The following NEMP2 variants were observed in gnomAD, a reference collection of about 807,000 sequenced individuals.
The protein encoded by NEMP2 is nuclear envelope integral membrane protein 2, also known as UPF0571 transmembrane protein.
Under a neutral mutation model 54.2 loss-of-function variants are expected in NEMP2, and 53 were observed. The ratio of observed to expected loss-of-function variants is 0.98; its 90% CI spans 0.78 to 1.23. The LOEUF (loss-of-function observed/expected upper bound fraction) is 1.23, where lower values mean the gene tolerates loss of function less well. Ranked by LOEUF, NEMP2 falls within the 50% of genes most tolerant of loss-of-function variation. NEMP2 has a pLI of 0.00. For missense variants in NEMP2, 455 were observed against 511.3 expected, an observed-to-expected ratio of 0.89 and a Z score of 1.06; for synonymous variants, 197 against 190.3, an observed-to-expected ratio of 1.04 and a Z score of -0.29.
chr2:190,461,018 A>G, the NEMP2 span, among the ~76,000 whole-genome samples: 1 of 152,208 alleles, frequency 6.6e-6, no homozygotes, highest in East Asian at 1.9e-4. The surrounding 1 kb of genome is among the most constrained non-coding windows in gnomAD (Gnocchi z 5.5). Flanking sequence ...GAAGAAAATG[A>G]TTATGGCAAC....
the NEMP2 span, among the ~76,000 whole-genome samples, chr2:190,606,746 C>T: frequency 2.6e-5 from 4 of 152,040 alleles, no homozygotes; most frequent in African/African-American, 7.2e-5. Flanking sequence ...CAACAAGAAA[C>T]TCCAAGTAAA....
rs1037017440 is a variant in NEMP2 at position 190,533,095 on chromosome 2, G to A, written c.97+1464C>T. 1.2e-4 allele frequency among the ~76,000 whole-genome samples: 19 copies of A among 152,186 alleles called. No homozygotes were observed. Among genetic ancestry groups the A allele is most frequent in the Non-Finnish European group, 2.4e-4 (16 of 68,026 alleles). ...AAAAACACCAGGTTCACTGAGGTGA[G>A]GAAAATACTGGAAACTCTTCAGTAA... On this transcript the variant is annotated intron_variant, in intron 1 of 8. Coordinates refer to ENST00000409150, the MANE Select transcript of NEMP2 (RefSeq NM_001142645.2). The surrounding 1 kb of genome is among the most constrained non-coding windows in gnomAD (Gnocchi z 4.3).
chr2:190,518,652 G>A, intron 4 of NEMP2, 84 bp downstream of exon 4: 2 of 1,116,136 alleles, frequency 1.8e-6, no homozygotes, highest in South Asian at 3.2e-5. Context: ...ATGCACAATA[G>A]TGTGAAAATA....
At chr2:190,586,662 A>T in the NEMP2 span, among the ~76,000 whole-genome samples, 1 of 152,298 alleles carries the variant, frequency 6.6e-6, no homozygotes, top group South Asian at 2.1e-4. This position sits in a 1 kb window ranked among gnomAD's most constrained non-coding sequence, Gnocchi z 4.5. Flanking sequence ...GAAACATTCA[A>T]TACCAACCCC....
the NEMP2 span, among the ~76,000 whole-genome samples, chr2:190,467,388 G>A: frequency 2.6e-5 from 4 of 152,166 alleles, no homozygotes; most frequent in Admixed American, 1.3e-4. This position sits in a 1 kb window ranked among gnomAD's most constrained non-coding sequence, Gnocchi z 5.5. Context: ...CGAGGTGGGC[G>A]GACTACCTGA....
the NEMP2 span, chr2:190,436,911 T>C: frequency 1.1e-4 from 180 of 1,614,090 alleles, 1 homozygote; most frequent in South Asian, 1.7e-3. The surrounding 1 kb of genome is among the most constrained non-coding windows in gnomAD (Gnocchi z 5.3). Context: ...TCTTGGTAGT[T>C]GTCATAATAG....
rs899690163 is a variant in NEMP2 at position 190,509,771 on chromosome 2, G to A, written c.1131-459C>T. On this transcript the variant is annotated intron_variant, in intron 8 of 8. Transcript: ENST00000409150. This position sits in a 1 kb window ranked among gnomAD's most constrained non-coding sequence, Gnocchi z 6.1. ...AAATGATTTTCCAGCTGGGTGCGGT[G>A]GCTCATGCCTGTAATCCCAGCACTT... 3.3e-5 allele frequency among the ~76,000 whole-genome samples: 5 copies of A among 152,256 alleles called. No homozygotes were observed. The highest frequency in any genetic ancestry group is 3.3e-4 in the Admixed American group (5 of 15,284).
At chr2:190,422,081 G>A in the NEMP2 span, among the ~76,000 whole-genome samples, 3 of 152,180 alleles carry the variant, frequency 2.0e-5, no homozygotes, top group African/African-American at 7.2e-5. Context: ...ACAGAGACAT[G>A]TAGTAAACTG....
At chr2:190,440,120 G>A in the NEMP2 span, among the ~76,000 whole-genome samples, 1 of 152,202 alleles carries the variant, frequency 6.6e-6, no homozygotes, top group African/African-American at 2.4e-5. Flanking sequence ...TGTCCTGTTG[G>A]AAGTTTGTTT....
At chr2:190,499,934 G>A (rs2125281398), downstream of NEMP2, 2 of 1,596,674 alleles carry the variant, frequency 1.3e-6, no homozygotes, top group East Asian at 2.2e-5. This position sits in a 1 kb window ranked among gnomAD's most constrained non-coding sequence, Gnocchi z 6.0. Flanking sequence ...CATGTTTCCT[G>A]TCTTACTTGA....
chr2:190,526,681 C>A (rs1448376249), intron 1 of NEMP2, among the ~76,000 whole-genome samples: 1 of 151,970 alleles, frequency 6.6e-6, no homozygotes, highest in Non-Finnish European at 1.5e-5. Context: ...GATAGTGAGG[C>A]CCTTTACTCA....
the NEMP2 span, among the ~76,000 whole-genome samples, chr2:190,551,710 C>G: frequency 6.6e-6 from 1 of 152,112 alleles, no homozygotes; most frequent in Non-Finnish European, 1.5e-5. Flanking sequence ...GATTTCGCCT[C>G]AATACTTTTC....
At position 190,509,066 on chromosome 2, in the gene NEMP2, T is replaced by A; in HGVS notation, c.*123A>T. 7.1e-7 allele frequency: 1 copy of A among 1,416,994 alleles called. No individual in the cohort carries two copies. The highest frequency in any genetic ancestry group is 9.3e-7 in the Non-Finnish European group (1 of 1,069,540). The allele number at this position is 1,416,994 out of a possible 1,614,324, so 87.8% of individuals were successfully genotyped here. ...GTTGGTTTCCCTTTCCAGACTGACT[T>A]GTTTTTCTCCACAGCAAATGTTTTT... On this transcript the variant is annotated 3_prime_UTR_variant, in exon 9 of 9. Transcript: ENST00000409150. The surrounding 1 kb of genome is among the most constrained non-coding windows in gnomAD (Gnocchi z 6.1).
intron 6 of NEMP2, among the ~76,000 whole-genome samples, chr2:190,515,487 A>T (rs1455560556): frequency 1.3e-5 from 2 of 152,198 alleles, no homozygotes; most frequent in Non-Finnish European, 2.9e-5. Flanking sequence ...GGCCTGGGTA[A>T]TAGATGATTT....
chr2:190,626,849 G>A, the NEMP2 span: 2 of 152,160 alleles, frequency 1.3e-5, no homozygotes, highest in Non-Finnish European at 2.9e-5. This position sits in a 1 kb window ranked among gnomAD's most constrained non-coding sequence, Gnocchi z 4.5. Flanking sequence ...AGTATTACAG[G>A]ATGATGACGG....
the NEMP2 span, among the ~76,000 whole-genome samples, chr2:190,431,468 C>T: frequency 2.6e-5 from 4 of 152,344 alleles, no homozygotes; most frequent in East Asian, 3.9e-4. This position sits in a 1 kb window ranked among gnomAD's most constrained non-coding sequence, Gnocchi z 4.4. Context: ...CTCTGGAGGC[C>T]GAGGCTGGCG....
chr2:190,556,070 A>T, the NEMP2 span, among the ~76,000 whole-genome samples: 2 of 152,224 alleles, frequency 1.3e-5, no homozygotes, highest in Non-Finnish European at 2.9e-5. Context: ...TTGATGCGAA[A>T]ATCCTCCATA....
In NEMP2 at chr2:190,534,104, G is replaced by T. The variant is rs376244726; in HGVS notation, c.97+455C>A. 1.9e-5 allele frequency: 19 copies of T among 987,310 alleles called. 2 individuals carry two copies. The African/African-American group carries it at 2.8e-4, about 14-fold the overall frequency. 61.2% of individuals were successfully genotyped at this position (987,310 alleles called of 1,614,324 possible). ...TCGCTCCGATTCTGAAGCTGAAGCT[G>T]TTACCTTCTCTAGTCTTGAGACCAA... On this transcript the variant is annotated intron_variant, in intron 1 of 8. Transcript: ENST00000409150.
the NEMP2 span, among the ~76,000 whole-genome samples, chr2:190,446,912 T>G: frequency 2.0e-5 from 3 of 152,310 alleles, no homozygotes; most frequent in East Asian, 5.8e-4. Flanking sequence ...GACTTAGGGA[T>G]TCTGAGGATC....
Sources: allele counts gnomAD v4.1 joint callset (sites outside exome capture counted in the v4.1 genomes callset), GRCh38; gene constraint gnomAD v4.1.1; non-coding constraint Gnocchi (gnomAD v3.1); transcripts MANE v1.5; gene names NCBI Gene and HGNC (gene_info 2026-07-23, HGNC 2026-07-21).